PSIP1: variants seen among roughly 807,000 people sequenced by gnomAD.
PSIP1 encodes the protein PC4 and SFRS1-interacting protein.
Under a neutral mutation model 74.7 loss-of-function variants are expected in PSIP1, and 19 were observed. That is an observed-to-expected ratio of 0.25 (90% CI 0.18 to 0.37). The LOEUF (loss-of-function observed/expected upper bound fraction) is 0.37, where lower values mean the gene tolerates loss of function less well. Among genes scored for constraint, PSIP1 ranks in the 10% least tolerant of loss-of-function variants. PSIP1 has a pLI of 1.00. For synonymous variants in PSIP1, 222 were observed against 195.3 expected, an observed-to-expected ratio of 1.14 and a Z score of -1.14; for missense variants, 601 against 614.3, an observed-to-expected ratio of 0.98 and a Z score of 0.23.
chr9:15,501,383 A>C (rs1053009943), intron 3 of PSIP1, among the ~76,000 whole-genome samples: 14 of 148,968 alleles, frequency 9.4e-5, no homozygotes, highest in African/African-American at 3.6e-4. Flanking sequence ...TGGGTGAAAA[A>C]AAGAGAAAAG....
intron 7 of PSIP1, 142 bp downstream of exon 7, chr9:15,479,449 G>A: frequency 1.8e-6 from 1 of 555,590 alleles, no homozygotes; most frequent in South Asian, 3.0e-5. Context: ...CACAAATCAT[G>A]TTTATCTCCT....
At chr9:15,484,319 C>T (rs899516223) in intron 6 of PSIP1, among the ~76,000 whole-genome samples, 5 of 151,430 alleles carry the variant, frequency 3.3e-5, no homozygotes, top group African/African-American at 1.2e-4. Context: ...TATATATAGG[C>T]CAGGCCCGGT....
chr9:15,473,133 A>C (rs755488862), intron 9 of PSIP1, among the ~76,000 whole-genome samples: 1 of 152,234 alleles, frequency 6.6e-6, no homozygotes, highest in East Asian at 1.9e-4. Flanking sequence ...AGTAAACAAA[A>C]GATTTGCATG....
chr9:15,480,904 G>A (rs1402335693), intron 6 of PSIP1, among the ~76,000 whole-genome samples: 1 of 152,156 alleles, frequency 6.6e-6, no homozygotes, highest in African/African-American at 2.4e-5. Context: ...CTGGGCGACA[G>A]AGCAAGACTG....
At chr9:15,472,385 C>A in intron 10 of PSIP1, 2 of 1,296,240 alleles carry the variant, frequency 1.5e-6, no homozygotes, top group Non-Finnish European at 1.9e-6. Flanking sequence ...TCAATTAAAT[C>A]CTATCTGCAC....
chr9:15,490,017 T>C lies in PSIP1; in HGVS notation c.257A>G (p.Asn86Ser). 6.3e-7 allele frequency: 1 copy of C among 1,588,320 alleles called. No homozygotes were observed. The highest frequency in any genetic ancestry group is 8.5e-7 in the Non-Finnish European group (1 of 1,170,776). ...ACTTGAAAATTTCACTTTTGGATTG[T>C]TATCTATCTCCCATAAACCTTCATT... ...GFNEGLWEID[N>S]NPKVKFSSQQ... The change falls in exon 4 of 16, where the codon AAC becomes AGC. Residue 86 changes from asparagine to serine, a missense_variant. Physicochemically the swap from Asn to Ser is conservative, Grantham distance 46 (BLOSUM62 1). Transcript: ENST00000380733.
chr9:15,506,799 T>C (rs1055090379), intron 2 of PSIP1, among the ~76,000 whole-genome samples, 162 bp from the exon 3 acceptor site: 7 of 152,230 alleles, frequency 4.6e-5, no homozygotes, highest in Non-Finnish European at 1.0e-4. Flanking sequence ...CAAGAAGCTC[T>C]GAAAACCAAA....
Position 15,490,154 on chromosome 9 carries a change from C to T in PSIP1, c.150-30G>A, listed in dbSNP as rs767685778. On this transcript the variant is annotated intron_variant, in intron 3 of 15. Coordinates refer to ENST00000380733, the MANE Select transcript of PSIP1 (RefSeq NM_033222.5). The stretch of plus-strand genomic sequence containing the variant: ...AAAAGAAGTGGGGAAGATGTGAGTG[C>T]AAAGCAAGCTCAAATACATAATTTA... 2.2e-5 allele frequency: 34 copies of T among 1,540,514 alleles called. No homozygotes were observed. The East Asian group carries it at 5.1e-4, about 23-fold the overall frequency.
chr9:15,468,858 T>C lies in PSIP1; in HGVS notation c.1207-15A>G, dbSNP rs755721063. On this transcript the variant is annotated splice_polypyrimidine_tract_variant and intron_variant, in intron 13 of 15. Coordinates refer to ENST00000380733, the MANE Select transcript of PSIP1 (RefSeq NM_033222.5). ...AATCGCCGTATCTGAGAAAACAATA[T>C]ACATTCATCATAATTGTTTTCCTAA... 2.5e-5 allele frequency: 40 copies of C among 1,607,894 alleles called. No individual in the cohort carries two copies. Among genetic ancestry groups the C allele is most frequent in the Non-Finnish European group, 3.2e-5 (38 of 1,174,962 alleles).
chr9:15,466,293 C>G (rs541965195), intron 15 of PSIP1, among the ~76,000 whole-genome samples: 1 of 152,160 alleles, frequency 6.6e-6, no homozygotes, highest in Non-Finnish European at 1.5e-5. Context: ...GCAGGAGAAT[C>G]GCTTGAACCC....
intron 5 of PSIP1, 31 bp downstream of exon 5, chr9:15,486,796 G>T (rs766943833): frequency 6.9e-7 from 1 of 1,456,366 alleles, no homozygotes; most frequent in Non-Finnish European, 9.5e-7. Context: ...AAACAAAATG[G>T]GTTTAAAATG....
chr9:15,485,177 A>G (rs2036506632), intron 6 of PSIP1, among the ~76,000 whole-genome samples: 1 of 152,194 alleles, frequency 6.6e-6, no homozygotes, highest in Admixed American at 6.5e-5. Context: ...CTTTAGGACA[A>G]CATCAGGTTT....
chr9:15,495,418 T>G (rs2037029713), intron 3 of PSIP1, among the ~76,000 whole-genome samples: 1 of 152,172 alleles, frequency 6.6e-6, no homozygotes, highest in Non-Finnish European at 1.5e-5. Flanking sequence ...CTGTGACCTT[T>G]AAAATTTGTC....
chr9:15,503,830 T>G (rs1359756460), intron 3 of PSIP1, among the ~76,000 whole-genome samples: 1 of 152,126 alleles, frequency 6.6e-6, no homozygotes, highest in Non-Finnish European at 1.5e-5. Context: ...CACCACACCC[T>G]CTGCCTCCTG....
chr9:15,497,577 G>A (rs1461617503), intron 3 of PSIP1, among the ~76,000 whole-genome samples: 1 of 151,706 alleles, frequency 6.6e-6, no homozygotes, highest in African/African-American at 2.4e-5. Flanking sequence ...CGCCCACCTC[G>A]GCCTCCCAAA....
Position 15,479,770 on chromosome 9 carries a change from A to G in PSIP1, c.457-83T>C, listed in dbSNP as rs115020249. 1,145 of 1,041,160 alleles carry G rather than the reference A, an allele frequency of 1.1e-3. 3 individuals carry two copies. The African/African-American group carries it at 0.017, about 16-fold the overall frequency. The allele number at this position is 1,041,160 out of a possible 1,614,324, so 64.5% of individuals were successfully genotyped here. On this transcript the variant is annotated intron_variant, in intron 6 of 15. Transcript: ENST00000380733. ...TTCGATGGCAAAAATATGCCAGTCT[A>G]TGGTAACGTTGAGTTCAAGTATAGA...
rs2037405386 is a variant in PSIP1 at position 15,502,737 on chromosome 9, C to G, written c.149+3824G>C. Among the ~76,000 whole-genome samples, 3 of 152,278 alleles carry G rather than the reference C, an allele frequency of 2.0e-5. No individual in the cohort carries two copies. The South Asian group carries it at 6.2e-4, about 32-fold the overall frequency. On this transcript the variant is annotated intron_variant, in intron 3 of 15. Coordinates refer to ENST00000380733, the MANE Select transcript of PSIP1 (RefSeq NM_033222.5). ...CTATAACATGTAATCAAGGATAATA[C>G]CAAGACTTGGCTTCAGTAAGAATTG...
At chr9:15,470,954 A>C (rs1010477083) in intron 10 of PSIP1, 161 of 1,153,528 alleles carry the variant, frequency 1.4e-4, no homozygotes, top group Non-Finnish European at 1.7e-4. Context: ...AAAAAAAAAA[A>C]AAAACAGGAA....
intron 6 of PSIP1, among the ~76,000 whole-genome samples, chr9:15,482,378 T>G (rs1014729157): frequency 6.6e-6 from 1 of 152,126 alleles, no homozygotes; most frequent in Admixed American, 6.6e-5. Flanking sequence ...GGCCTCCTCC[T>G]CCCACCAACA....
Sources: allele counts gnomAD v4.1 joint callset (sites outside exome capture counted in the v4.1 genomes callset), GRCh38; gene constraint gnomAD v4.1.1; transcripts MANE v1.5; gene names NCBI Gene and HGNC (gene_info 2026-07-23, HGNC 2026-07-21).